NALF1: variants seen among roughly 807,000 people sequenced by gnomAD.
NALF1 encodes family with sequence similarity 155 member A.
A neutral mutation model predicts 48.4 loss-of-function variants in NALF1; 3 were observed. The ratio of observed to expected loss-of-function variants is 0.06; its 90% CI spans 0.03 to 0.16. NALF1 has a LOEUF of 0.16. NALF1 is among the 10% of genes least tolerant of loss of function. The pLI, the probability that NALF1 is intolerant of heterozygous loss-of-function variation, is 1.00. For synonymous variants in NALF1, 262 were observed against 245.7 expected, an observed-to-expected ratio of 1.07 and a Z score of -0.62; for missense variants, 526 against 571.5, an observed-to-expected ratio of 0.92 and a Z score of 0.81.
chr13:107,483,816 A>T (rs1885288522), intron 1 of NALF1, among the ~76,000 whole-genome samples: 1 of 151,986 alleles, frequency 6.6e-6, no homozygotes, highest in Non-Finnish European at 1.5e-5. Context: ...AAATTAATAT[A>T]ACATTAAATT....
intron 1 of NALF1, among the ~76,000 whole-genome samples, chr13:107,519,125 T>C (rs1876155377): frequency 6.6e-6 from 1 of 152,140 alleles, no homozygotes; most frequent in African/African-American, 2.4e-5. Flanking sequence ...AAGGAATGAC[T>C]TGTGATATGT....
At chr13:107,306,583 G>A (rs1213270600) in intron 1 of NALF1, among the ~76,000 whole-genome samples, 1 of 152,004 alleles carries the variant, frequency 6.6e-6, no homozygotes, top group Non-Finnish European at 1.5e-5. Flanking sequence ...AAAAATGAAC[G>A]ACATTTTATT....
At chr13:107,381,789 G>A (rs541937178) in intron 1 of NALF1, among the ~76,000 whole-genome samples, 5 of 152,170 alleles carry the variant, frequency 3.3e-5, no homozygotes, top group African/African-American at 4.8e-5. Context: ...ATACTGTGTC[G>A]CTACCACTCA....
At chr13:107,330,763 A>T (rs962205034) in intron 1 of NALF1, among the ~76,000 whole-genome samples, 2 of 152,234 alleles carry the variant, frequency 1.3e-5, no homozygotes, top group African/African-American at 4.8e-5. Flanking sequence ...TTTCCATTCC[A>T]AGTGCGATCA....
chr13:107,231,513 A>G (rs1047970839), intron 1 of NALF1, among the ~76,000 whole-genome samples: 10 of 152,220 alleles, frequency 6.6e-5, no homozygotes, highest in African/African-American at 2.4e-4. Flanking sequence ...AAACGTCTTT[A>G]CATGGAAGAG....
chr13:107,651,122 T>C (rs1291867568), intron 1 of NALF1, among the ~76,000 whole-genome samples: 2 of 81,166 alleles, frequency 2.5e-5, no homozygotes, highest in Non-Finnish European at 5.7e-5. Context: ...TTTATTTGAT[T>C]TGTTTAATGA....
intron 2 of NALF1, among the ~76,000 whole-genome samples, chr13:107,181,467 T>C (rs1033178356): frequency 2.0e-5 from 3 of 151,822 alleles, no homozygotes; most frequent in Non-Finnish European, 2.9e-5. Context: ...ATTACTTGAG[T>C]GCTTTTTTGC....
chr13:107,788,044 T>G (rs1306365633), intron 1 of NALF1, among the ~76,000 whole-genome samples: 1 of 152,224 alleles, frequency 6.6e-6, no homozygotes, highest in Admixed American at 6.5e-5. Flanking sequence ...TTCTTTAGCT[T>G]GCCCAGCGGA....
At chr13:107,299,408 C>A (rs1163430753) in intron 1 of NALF1, among the ~76,000 whole-genome samples, 1 of 149,954 alleles carries the variant, frequency 6.7e-6, no homozygotes. Flanking sequence ...CGCACTCCAG[C>A]CTGGGCTACA....
chr13:107,323,935 C>A (rs1180548198), intron 1 of NALF1, among the ~76,000 whole-genome samples: 1 of 151,986 alleles, frequency 6.6e-6, no homozygotes, highest in Non-Finnish European at 1.5e-5. Context: ...CATAGCAAGA[C>A]CCTATCCCTA....
chr13:107,358,860 G>C (rs1215548200), intron 1 of NALF1, among the ~76,000 whole-genome samples: 1 of 152,102 alleles, frequency 6.6e-6, no homozygotes, highest in African/African-American at 2.4e-5. Flanking sequence ...AAGCAATGCA[G>C]GAATGGTTCC....
intron 1 of NALF1, among the ~76,000 whole-genome samples, chr13:107,723,694 C>T (rs1876057937): frequency 6.6e-6 from 1 of 152,146 alleles, no homozygotes; most frequent in Non-Finnish European, 1.5e-5. Flanking sequence ...TCTTAACGAC[C>T]TCTTACAGCG....
At chr13:107,481,376 G>C (rs1885251924) in intron 1 of NALF1, among the ~76,000 whole-genome samples, 1 of 152,088 alleles carries the variant, frequency 6.6e-6, no homozygotes, top group African/African-American at 2.4e-5. Context: ...TATATCTCAA[G>C]TGACTTAATA....
At chr13:107,686,785 A>C (rs1292592590) in intron 1 of NALF1, among the ~76,000 whole-genome samples, 1 of 152,208 alleles carries the variant, frequency 6.6e-6, no homozygotes, top group African/African-American at 2.4e-5. Context: ...TATTAATAAA[A>C]AGTCAAAATA....
At chr13:107,622,490 A>G (rs1297826519) in intron 1 of NALF1, among the ~76,000 whole-genome samples, 4 of 151,744 alleles carry the variant, frequency 2.6e-5, no homozygotes. Flanking sequence ...AAAAACAGAG[A>G]GAAAAGAAAA....
chr13:107,700,823 G>C (rs1881800731), intron 1 of NALF1, among the ~76,000 whole-genome samples: 1 of 151,910 alleles, frequency 6.6e-6, no homozygotes, highest in Non-Finnish European at 1.5e-5. Flanking sequence ...TTTAAACATG[G>C]GCAAAGGACC....
Position 107,474,587 on chromosome 13 carries a change from CAG to C in NALF1, c.916-263834_916-263833del, listed in dbSNP as rs779090341. Among the ~76,000 whole-genome samples, 27 of 151,896 alleles carry C rather than the reference CAG, an allele frequency of 1.8e-4. No homozygotes were observed. In the South Asian group the frequency reaches 4.6e-3, roughly 26 times the overall value. ...AGAGAAAAATACACATACATACATACAGAGAGAGAGAGAAAATGTAGCAGAAT... is the reference window on the plus strand; with the variant it reads ...AGAGAAAAATACACATACATACATACAGAGAGAGAGAAAATGTAGCAGAAT... On this transcript the variant is annotated intron_variant, in intron 1 of 2. Coordinates refer to ENST00000375915, the MANE Select transcript of NALF1 (RefSeq NM_001080396.3).
At chr13:107,468,357 T>C (rs1885042600) in intron 1 of NALF1, among the ~76,000 whole-genome samples, 1 of 152,196 alleles carries the variant, frequency 6.6e-6, no homozygotes, top group Non-Finnish European at 1.5e-5. Context: ...ATGACCGTTT[T>C]TCCACTCTCA....
At position 107,768,159 on chromosome 13, in the gene NALF1, C is replaced by A. The variant is rs79044106; in HGVS notation, c.915+97523G>T. Among the ~76,000 whole-genome samples the A allele has an allele frequency of 3.5e-3, 536 of 152,204 alleles. 5 individuals carry two copies. The highest frequency in any genetic ancestry group is 0.012 in the African/African-American group (502 of 41,514). ...ATGGAATCCATGATACTTCATTGAT[C>A]CAATGCCTCCTAGGATTATTTTGAG... On this transcript the variant is annotated intron_variant, in intron 1 of 2. Coordinates refer to ENST00000375915, the MANE Select transcript of NALF1 (RefSeq NM_001080396.3).
Sources: allele counts gnomAD v4.1 joint callset (sites outside exome capture counted in the v4.1 genomes callset), GRCh38; gene constraint gnomAD v4.1.1; transcripts MANE v1.5; gene names NCBI Gene and HGNC (gene_info 2026-07-23, HGNC 2026-07-21).